Variants in ATP11A observed in about 807,000 individuals in gnomAD.
ATP11A encodes the protein ATPase phospholipid transporting 11A.
Under a neutral mutation model 154.4 loss-of-function variants are expected in ATP11A, and 81 were observed. That is an observed-to-expected ratio of 0.52 (90% confidence interval 0.44 to 0.63). The LOEUF (loss-of-function observed/expected upper bound fraction) is 0.63. Ranked by LOEUF, ATP11A falls within the 30% of genes least tolerant of loss-of-function variation. The pLI is 0.00. For synonymous variants in ATP11A, 623 were observed against 585.9 expected (o/e 1.06, Z -0.91); for missense variants, 1,316 against 1,474.3 (o/e 0.89, Z 1.76).
chr13:112,781,166 TAG>T (rs1441450713), intron 1 of ATP11A, among the ~76,000 whole-genome samples: 1 of 151,998 alleles, frequency 6.6e-6, no homozygotes, highest in Non-Finnish European at 1.5e-5. Context: ...GCCTCCCAAG[TAG>T]GTAGGACTAC....
At chr13:112,742,220 G>A (rs1026514412) in intron 1 of ATP11A, among the ~76,000 whole-genome samples, 11 of 152,232 alleles carry the variant, frequency 7.2e-5, no homozygotes, top group African/African-American at 2.2e-4. Context: ...CTCATGTAGA[G>A]ATGGCTGCTG....
rs373873913 is a variant in ATP11A, at chr13:112,758,408, A to G, written c.40-26727A>G. Reference sequence around the variant, plus strand: ...AAGAATGGATCAGTAAACACTTCACATTTCTTTTTTTTTCTTTTTTTTCTT... The same window carrying G: ...AAGAATGGATCAGTAAACACTTCACGTTTCTTTTTTTTTCTTTTTTTTCTT... On this transcript the variant is annotated intron_variant, in intron 1 of 29. Transcript: ENST00000375645. Among the ~76,000 whole-genome samples the G allele has an allele frequency of 6.8e-5, 10 of 147,096 alleles. No individual in the cohort carries two copies. The East Asian group carries it at 1.4e-3, about 21-fold the overall frequency.
chr13:112,823,047 G>C (rs1239323689), intron 8 of ATP11A, among the ~76,000 whole-genome samples: 1 of 152,194 alleles, frequency 6.6e-6, no homozygotes, highest in Non-Finnish European at 1.5e-5. Context: ...GTGTTGCTGA[G>C]GCTGCCGGGC....
chr13:112,881,051 T>G, intron 29 of ATP11A: 1 of 988,288 alleles, frequency 1.0e-6, no homozygotes, highest in Non-Finnish European at 1.2e-6. Context: ...CAGGTGTGAG[T>G]GCAGGTCTTC....
At chr13:112,767,485 C>A (rs2077121088) in intron 1 of ATP11A, among the ~76,000 whole-genome samples, 1 of 126,414 alleles carries the variant, frequency 7.9e-6, no homozygotes, top group Admixed American at 7.8e-5. Flanking sequence ...CTGGGAGCCC[C>A]CGTGGAAAGG....
chr13:112,764,387 C>A (rs1488310449), intron 1 of ATP11A, among the ~76,000 whole-genome samples: 12 of 152,222 alleles, frequency 7.9e-5, no homozygotes. Context: ...AGCCCTGTTC[C>A]TTACGATTTC....
chr13:112,858,389 G>A, intron 22 of ATP11A, 99 bp downstream of exon 22: 2 of 1,245,628 alleles, frequency 1.6e-6, no homozygotes, highest in Non-Finnish European at 1.1e-6. Flanking sequence ...AGAGGTCATT[G>A]ATCTCCGAGG....
intron 26 of ATP11A, 37 bp downstream of exon 26, chr13:112,871,837 C>G (rs372179687): frequency 6.3e-7 from 1 of 1,585,932 alleles, no homozygotes; most frequent in African/African-American, 1.3e-5. Context: ...CCCCCAGCCA[C>G]AGTGAACCCC....
At chr13:112,794,409 C>T (rs927894392) in intron 2 of ATP11A, among the ~76,000 whole-genome samples, 2 of 152,180 alleles carry the variant, frequency 1.3e-5, no homozygotes, top group Non-Finnish European at 2.9e-5. Flanking sequence ...AGTCACGACC[C>T]TTTAAATGAG....
intron 1 of ATP11A, among the ~76,000 whole-genome samples, chr13:112,707,465 C>T (rs1309781833): frequency 6.6e-6 from 1 of 150,938 alleles, no homozygotes; most frequent in Admixed American, 6.6e-5. Context: ...GAGACGAGGG[C>T]CTTGAAGGTG....
chr13:112,862,598 C>T, intron 25 of ATP11A, 23 bp downstream of exon 25: 1 of 1,613,854 alleles, frequency 6.2e-7, no homozygotes, highest in Non-Finnish European at 8.5e-7. Context: ...CTCGATTGCG[C>T]TGACTTAGCT....
intron 2 of ATP11A, among the ~76,000 whole-genome samples, chr13:112,790,426 A>G (rs1241919097): frequency 6.2e-5 from 9 of 144,478 alleles, no homozygotes; most frequent in African/African-American, 2.4e-4. Context: ...ACCCCTGTGG[A>G]GACCTGCTTA....
intron 4 of ATP11A, 44 bp downstream of exon 4, chr13:112,806,337 C>G: frequency 7.0e-7 from 1 of 1,436,656 alleles, no homozygotes; most frequent in Non-Finnish European, 9.8e-7. Context: ...TCATCTTCAC[C>G]ATGTGAATTG....
intron 29 of ATP11A, among the ~76,000 whole-genome samples, chr13:112,879,016 C>T (rs532341900): frequency 1.3e-5 from 2 of 152,348 alleles, no homozygotes; most frequent in South Asian, 2.1e-4. Context: ...AATGTAGAGG[C>T]GTTCACACGC....
At chr13:112,710,275 G>A (rs1012793977) in intron 1 of ATP11A, among the ~76,000 whole-genome samples, 3 of 152,134 alleles carry the variant, frequency 2.0e-5, no homozygotes, top group Admixed American at 1.3e-4. Context: ...AGAATGCATC[G>A]TGTTCGCAAA....
rs188253523 is a variant in ATP11A at position 112,730,149 on chromosome 13, A to G, written c.39+39694A>G. On this transcript the variant is annotated intron_variant, in intron 1 of 29. Coordinates refer to ENST00000375645, the MANE Select transcript of ATP11A (RefSeq NM_015205.3). ...GCGGCCCACATAGACCACGGACCACATGGGAGCCGTGGGGCTGGTGACCTG... is the reference window on the plus strand; with the variant it reads ...GCGGCCCACATAGACCACGGACCACGTGGGAGCCGTGGGGCTGGTGACCTG... Among the ~76,000 whole-genome samples, 601 of 152,302 alleles carry G rather than the reference A, an allele frequency of 3.9e-3. 4 individuals carry two copies. The highest frequency in any genetic ancestry group is 0.014 in the African/African-American group (566 of 41,556).
At position 112,882,502 on chromosome 13, in the gene ATP11A, C is replaced by G. The variant is rs1189510005; in HGVS notation, c.*636C>G. 2.2e-6 allele frequency: 1 copy of G among 462,860 alleles called. No individual in the cohort carries two copies. Among genetic ancestry groups the G allele is most frequent in the African/African-American group, 2.0e-5 (1 of 50,824 alleles). The allele number at this position is 462,860 out of a possible 1,614,324, so 28.7% of individuals were successfully genotyped here. ...CCAATCCGGATGCTGTGGGAAGGGC[C>G]GGGTCACTCGGATACCATCATCCCT... is the stretch of plus-strand genomic sequence containing the variant. On this transcript the variant is annotated 3_prime_UTR_variant, in exon 30 of 30. Transcript: ENST00000375645. The surrounding 1 kb of genome is among the most constrained non-coding windows in gnomAD (Gnocchi z 5.1).
At chr13:112,788,143 T>C (rs200259136) in intron 2 of ATP11A, among the ~76,000 whole-genome samples, 50 of 141,028 alleles carry the variant, frequency 3.5e-4, no homozygotes, top group East Asian at 6.6e-4. Context: ...TGTCCTGATG[T>C]GTAGACCCCT....
intron 21 of ATP11A, 50 bp downstream of exon 21, chr13:112,857,970 T>C (rs1288234037): frequency 6.3e-7 from 1 of 1,599,394 alleles, no homozygotes; most frequent in Admixed American, 1.7e-5. Context: ...GGTCACCCCT[T>C]CGCTAGACAA....
Sources: gnomAD v4.1 joint callset for allele counts (sites outside exome capture counted in the v4.1 genomes callset) on GRCh38, gnomAD v4.1.1 for gene constraint, Gnocchi (gnomAD v3.1) non-coding constraint, MANE v1.5 for transcripts, NCBI Gene and HGNC (gene_info 2026-07-23, HGNC 2026-07-21) for gene names.